Variants in DAB1 observed in about 807,000 individuals in gnomAD.
DAB1 encodes the protein DAB adaptor protein 1.
A neutral mutation model predicts 64.6 loss-of-function variants in DAB1; 15 were observed. The ratio of observed to expected loss-of-function variants is 0.23; its 90% CI spans 0.16 to 0.36. The LOEUF (loss-of-function observed/expected upper bound fraction) is 0.36. DAB1 is among the 10% of genes least tolerant of loss of function. The pLI is 1.00. For missense variants in DAB1, 596 were observed against 706.7 expected, an observed-to-expected ratio of 0.84 and a Z score of 1.78; for synonymous variants, 235 against 251.9, an observed-to-expected ratio of 0.93 and a Z score of 0.64.
At chr1:57,207,462 G>A (rs868516546) in intron 2 of DAB1, among the ~76,000 whole-genome samples, 3 of 22,912 alleles carry the variant, frequency 1.3e-4, no homozygotes, top group Non-Finnish European at 3.0e-4. Flanking sequence ...TTTTTTTTTT[G>A]AGATGGAGTC....
intron 1 of DAB1, among the ~76,000 whole-genome samples, chr1:57,371,078 T>G (rs866660057): frequency 2.0e-5 from 3 of 152,188 alleles, no homozygotes; most frequent in Non-Finnish European, 4.4e-5. Context: ...AGCGGCTATA[T>G]GCACAGCTGT....
intron 7 of DAB1, among the ~76,000 whole-genome samples, chr1:57,509,484 C>G (rs1210410678): frequency 2.0e-5 from 3 of 152,086 alleles, no homozygotes; most frequent in African/African-American, 7.2e-5. Flanking sequence ...AAGCTAACTT[C>G]CCCATTCTTG....
intron 7 of DAB1, among the ~76,000 whole-genome samples, chr1:57,569,256 CA>C (rs3991203): frequency 7.1e-4 from 48 of 67,862 alleles, no homozygotes; most frequent in African/African-American, 1.8e-3. Context: ...GACTCCGTCT[CA>C]AAAAAAAAAA....
chr1:58,540,966 G>C (rs1569983369), intron 1 of DAB1, among the ~76,000 whole-genome samples: 1 of 152,012 alleles, frequency 6.6e-6, no homozygotes, highest in Admixed American at 6.6e-5. Flanking sequence ...ATCAATGAAA[G>C]ATAAAATCTT....
At chr1:57,887,016 C>CT (rs902763591), upstream of DAB1, among the ~76,000 whole-genome samples, 6 of 152,126 alleles carry the variant, frequency 3.9e-5, no homozygotes, top group East Asian at 3.9e-4. Context: ...ACTTCATTTT[C>CT]TTTTTTTTAT....
At chr1:57,029,930 T>G (rs1646914988) in intron 9 of DAB1, among the ~76,000 whole-genome samples, 1 of 152,174 alleles carries the variant, frequency 6.6e-6, no homozygotes, top group Non-Finnish European at 1.5e-5. Context: ...TGAAATGAGT[T>G]AAGACTTTGG....
At chr1:58,136,586 G>A (rs1653957683) in intron 5 of DAB1, among the ~76,000 whole-genome samples, 1 of 152,200 alleles carries the variant, frequency 6.6e-6, no homozygotes, top group Non-Finnish European at 1.5e-5. Context: ...TACTTTGTTG[G>A]TGATAGATTG....
At position 58,197,703 on chromosome 1, in the gene DAB1, CT is replaced by C. The variant is rs3053698; in HGVS notation, n.310-47116del. Among the ~76,000 whole-genome samples the C allele has an allele frequency of 7.8e-3, 1,088 of 139,932 alleles. 39 individuals are homozygous for C. The South Asian group carries it at 0.1, about 13-fold the overall frequency. 91.8% of individuals were successfully genotyped at this position (139,932 alleles called of 152,430 possible). On this transcript the variant is annotated intron_variant and non_coding_transcript_variant, in intron 4 of 20. Transcript: ENST00000485760. ...GCCACCATGCCCAGCGAGAGTTACA[CT>C]TTTTTTTTTTTTTTTGAGGACAGAG...
chr1:57,132,094 C>T lies in DAB1; in HGVS notation c.306+4449G>A, dbSNP rs550604225. 1.8e-4 allele frequency among the ~76,000 whole-genome samples: 28 copies of T among 152,236 alleles called. No homozygotes were observed. The South Asian group carries it at 5.0e-3, about 27-fold the overall frequency. Reference sequence around the variant, plus strand: ...TCTGGTCCTCTCCAACTCACTCCTCCACTGCCAAGTCAGTGAAATTTTTCA... The same window carrying T: ...TCTGGTCCTCTCCAACTCACTCCTCTACTGCCAAGTCAGTGAAATTTTTCA... On this transcript the variant is annotated intron_variant, in intron 4 of 14. Coordinates refer to ENST00000371236, the MANE Select transcript of DAB1 (RefSeq NM_001365792.1).
At chr1:57,197,308 C>A (rs997714997) in intron 2 of DAB1, among the ~76,000 whole-genome samples, 1 of 150,040 alleles carries the variant, frequency 6.7e-6, no homozygotes, top group Non-Finnish European at 1.5e-5. Flanking sequence ...AGTGCCACTG[C>A]ACTCCAGTCT....
intron 5 of DAB1, among the ~76,000 whole-genome samples, chr1:58,092,601 CA>C (rs573498390): frequency 3.6e-4 from 55 of 152,304 alleles, no homozygotes; most frequent in Middle Eastern, 3.4e-3. Context: ...AGGATTGTAT[CA>C]CATGCCTTTC....
At chr1:57,139,757 C>T (rs774617564) in intron 3 of DAB1, among the ~76,000 whole-genome samples, 12 of 152,032 alleles carry the variant, frequency 7.9e-5, no homozygotes, top group Non-Finnish European at 1.3e-4. Flanking sequence ...ATACTAAGGC[C>T]CCCTTTGCTT....
intron 1 of DAB1, among the ~76,000 whole-genome samples, chr1:57,360,066 T>C (rs950448127): frequency 5.3e-5 from 8 of 152,212 alleles, no homozygotes; most frequent in African/African-American, 1.9e-4. Context: ...AATTGTATTC[T>C]TGAAAAATGC....
chr1:58,461,373 A>T (rs914048767), intron 3 of DAB1, among the ~76,000 whole-genome samples: 2 of 152,200 alleles, frequency 1.3e-5, no homozygotes, highest in Non-Finnish European at 2.9e-5. Context: ...TCTTTCTTTT[A>T]ATGTGATTGA....
intron 1 of DAB1, among the ~76,000 whole-genome samples, chr1:57,332,572 C>T (rs1372245811): frequency 6.6e-6 from 1 of 152,186 alleles, no homozygotes; most frequent in African/African-American, 2.4e-5. Context: ...GGTTCAGCTT[C>T]CTTTCTTCTA....
intron 4 of DAB1, among the ~76,000 whole-genome samples, chr1:58,246,302 G>A (rs2100391707): frequency 6.6e-6 from 1 of 152,296 alleles, no homozygotes; most frequent in South Asian, 2.1e-4. Flanking sequence ...TGCTTTCAAG[G>A]AAATTTCACT....
chr1:57,729,870 G>A (rs1206592514), intron 6 of DAB1, among the ~76,000 whole-genome samples: 2 of 152,068 alleles, frequency 1.3e-5, no homozygotes, highest in Non-Finnish European at 1.5e-5. Flanking sequence ...ATATCAGCCT[G>A]GGCACCATAG....
intron 4 of DAB1, among the ~76,000 whole-genome samples, chr1:58,176,518 A>T (rs75137052): frequency 6.6e-6 from 1 of 152,316 alleles, no homozygotes; most frequent in East Asian, 1.9e-4. Context: ...CACAGTCTGC[A>T]GGCTGGGAAA....
At chr1:58,244,851 G>A (rs1360472528) in intron 4 of DAB1, among the ~76,000 whole-genome samples, 2 of 152,188 alleles carry the variant, frequency 1.3e-5, no homozygotes, top group African/African-American at 2.4e-5. Flanking sequence ...GCTCAACCCA[G>A]TGTCTGACAT....
Sources: allele counts gnomAD v4.1 joint callset (sites outside exome capture counted in the v4.1 genomes callset), GRCh38; gene constraint gnomAD v4.1.1; transcripts MANE v1.5; gene names NCBI Gene and HGNC (gene_info 2026-07-23, HGNC 2026-07-21).